The following CSMD1 variants were observed in gnomAD, a reference collection of about 807,000 sequenced individuals.
CSMD1 encodes the protein CUB and Sushi multiple domains 1, also known as CUB and sushi domain-containing protein 1.
CSMD1 carries 213 observed loss-of-function variants against 417.5 expected under a neutral mutation model. That is an observed-to-expected ratio of 0.51 (90% CI 0.46 to 0.57). CSMD1 has a LOEUF of 0.57. Among genes scored for constraint, CSMD1 ranks in the 20% least tolerant of loss-of-function variants. The pLI is 0.00. For missense variants in CSMD1, 6,923 were observed against 4,529.7 expected, an observed-to-expected ratio of 1.53 and a Z score of -15.17; for synonymous variants, 2,862 against 1,736.8, an observed-to-expected ratio of 1.65 and a Z score of -16.11.
intron 1 of CSMD1, among the ~76,000 whole-genome samples, chr8:4,973,410 A>C (rs1273414270): frequency 6.6e-6 from 1 of 152,146 alleles, no homozygotes; most frequent in African/African-American, 2.4e-5. Context: ...GCTTGTCCTG[A>C]AGCATTACTT....
chr8:3,223,931 T>A (rs893738711), intron 27 of CSMD1, 64 bp from the exon 28 acceptor site: 28 of 1,534,186 alleles, frequency 1.8e-5, no homozygotes, highest in Non-Finnish European at 2.4e-5. Context: ...CCAGTCAGTG[T>A]GGAAGGAGAC....
At chr8:3,012,702 G>A (rs1471804619) in intron 52 of CSMD1, among the ~76,000 whole-genome samples, 2 of 152,192 alleles carry the variant, frequency 1.3e-5, no homozygotes, top group Non-Finnish European at 2.9e-5. Context: ...TAGTTGTCTT[G>A]TTTGGAAGAT....
chr8:4,413,956 T>C (rs1796789992), intron 3 of CSMD1, among the ~76,000 whole-genome samples: 1 of 152,196 alleles, frequency 6.6e-6, no homozygotes, highest in South Asian at 2.1e-4. Context: ...TCAAGCTCTA[T>C]AATTGTTATA....
chr8:4,606,465 C>A (rs1800872984), intron 2 of CSMD1, among the ~76,000 whole-genome samples: 1 of 152,144 alleles, frequency 6.6e-6, no homozygotes. Context: ...GTGATTACAA[C>A]ATCATCCGAT....
chr8:3,903,383 T>C (rs1453156919), intron 5 of CSMD1, among the ~76,000 whole-genome samples: 1 of 152,156 alleles, frequency 6.6e-6, no homozygotes, highest in Non-Finnish European at 1.5e-5. Flanking sequence ...TTGCACTATG[T>C]CATTATCATA....
chr8:2,965,697 C>T lies in CSMD1; in HGVS notation c.9280+78G>A, dbSNP rs753757641. 3.0e-4 allele frequency: 397 copies of T among 1,341,452 alleles called. 2 individuals are homozygous for T. Among genetic ancestry groups the T allele is most frequent in the South Asian group, 1.4e-3 (102 of 71,944 alleles). 83.1% of individuals were successfully genotyped at this position (1,341,452 alleles called of 1,614,324 possible). A position where few individuals can be genotyped will look rare whatever the true frequency, so the allele number is the denominator to read the frequency against. ...AGCCCCTAGAAGGGCTACATAAATGCTTGCAAAATTAAACAAAGCATAATT... is the reference window on the plus strand; with the variant it reads ...AGCCCCTAGAAGGGCTACATAAATGTTTGCAAAATTAAACAAAGCATAATT... On this transcript the variant is annotated intron_variant, in intron 59 of 69. Coordinates refer to ENST00000635120, the MANE Select transcript of CSMD1 (RefSeq NM_033225.6).
chr8:3,396,152 G>A (rs1563344358), intron 17 of CSMD1, 42 bp downstream of exon 17: 1 of 1,506,738 alleles, frequency 6.6e-7, no homozygotes, highest in East Asian at 2.5e-5. Flanking sequence ...GTTCTCCCAT[G>A]CATGCTGCCC....
intron 7 of CSMD1, among the ~76,000 whole-genome samples, chr8:3,685,043 G>A (rs1181496046): frequency 6.6e-6 from 1 of 152,058 alleles, no homozygotes; most frequent in East Asian, 1.9e-4. Flanking sequence ...CATCATCCAA[G>A]CCCAGTTTTT....
intron 52 of CSMD1, among the ~76,000 whole-genome samples, chr8:3,008,008 A>T (rs1446191726): frequency 6.6e-6 from 1 of 152,232 alleles, no homozygotes; most frequent in Non-Finnish European, 1.5e-5. Context: ...AAATGTCTCA[A>T]ATAGAAAAAG....
chr8:2,993,325 T>A (rs1015402541), intron 54 of CSMD1, among the ~76,000 whole-genome samples: 3 of 152,158 alleles, frequency 2.0e-5, no homozygotes, highest in African/African-American at 7.2e-5. Flanking sequence ...ATCCCCCTTG[T>A]TGAAGGTAAG....
At chr8:3,005,340 A>T (rs1408385566) in intron 52 of CSMD1, among the ~76,000 whole-genome samples, 1 of 152,068 alleles carries the variant, frequency 6.6e-6, no homozygotes, top group Non-Finnish European at 1.5e-5. Flanking sequence ...AAGCTTTGTT[A>T]CTCCAAGGAG....
chr8:3,953,355 T>C (rs1811713090), intron 5 of CSMD1, among the ~76,000 whole-genome samples: 2 of 152,304 alleles, frequency 1.3e-5, no homozygotes, highest in Non-Finnish European at 2.9e-5. Context: ...AAACATTACA[T>C]GCCATATAAT....
intron 3 of CSMD1, among the ~76,000 whole-genome samples, chr8:4,167,626 T>A (rs1207117130): frequency 1.3e-5 from 2 of 152,162 alleles, no homozygotes; most frequent in African/African-American, 4.8e-5. Context: ...GGGGGACAGA[T>A]AAATCCATCT....
chr8:3,500,628 G>GA (rs1309618878), intron 10 of CSMD1, among the ~76,000 whole-genome samples: 1 of 152,272 alleles, frequency 6.6e-6, no homozygotes, highest in East Asian at 1.9e-4. Context: ...GGTGTTTTGT[G>GA]AAAAATCCAT....
chr8:4,578,539 G>A (rs1255128629), intron 2 of CSMD1, among the ~76,000 whole-genome samples: 1 of 151,362 alleles, frequency 6.6e-6, no homozygotes, highest in African/African-American at 2.4e-5. Flanking sequence ...ATCTTTGGCT[G>A]GGTGCAATGC....
intron 3 of CSMD1, among the ~76,000 whole-genome samples, chr8:4,274,030 A>T (rs1412370563): frequency 6.6e-6 from 1 of 152,184 alleles, no homozygotes; most frequent in African/African-American, 2.4e-5. Context: ...TATGTCACTT[A>T]AAATAAATGC....
intron 10 of CSMD1, among the ~76,000 whole-genome samples, chr8:3,531,343 C>A (rs868842186): frequency 7.9e-5 from 12 of 152,098 alleles, no homozygotes; most frequent in South Asian, 4.2e-4. Flanking sequence ...TTTTTTAGCC[C>A]CTATCCGACT....
chr8:3,218,560 C>CAAAAAAAAA (rs375544620), intron 29 of CSMD1, among the ~76,000 whole-genome samples: 5 of 128,690 alleles, frequency 3.9e-5, no homozygotes, highest in African/African-American at 9.0e-5. Context: ...GACTCCATCT[C>CAAAAAAAAA]AAAAATAAAA....
At chr8:3,745,432 A>T (rs1222160872) in intron 6 of CSMD1, among the ~76,000 whole-genome samples, 1 of 152,226 alleles carries the variant, frequency 6.6e-6, no homozygotes, top group African/African-American at 2.4e-5. Context: ...AAGGTCTTAC[A>T]AACAGGTGAG....
Sources: allele counts gnomAD v4.1 joint callset (sites outside exome capture counted in the v4.1 genomes callset), GRCh38; gene constraint gnomAD v4.1.1; transcripts MANE v1.5; gene names NCBI Gene and HGNC (gene_info 2026-07-23, HGNC 2026-07-21).